TTYH2: variants seen among roughly 807,000 people sequenced by gnomAD.
TTYH2 encodes the protein tweety family member 2.
A neutral mutation model predicts 68.3 loss-of-function variants in TTYH2; 49 were observed. The observed-to-expected ratio is 0.72, with a 90% CI of 0.57 to 0.91. The LOEUF (loss-of-function observed/expected upper bound fraction) is 0.91, where lower values mean the gene tolerates loss of function less well. Ranked by LOEUF, TTYH2 falls within the 40% of genes least tolerant of loss-of-function variation. TTYH2 has a pLI of 0.00. For synonymous variants in TTYH2, 272 were observed against 300.8 expected, an observed-to-expected ratio of 0.90 and a Z score of 0.99; for missense variants, 631 against 700.4, an observed-to-expected ratio of 0.90 and a Z score of 1.12.
At position 74,239,265 on chromosome 17, in the gene TTYH2, G is replaced by C. The variant is rs1435196600; in HGVS notation, c.635+1751G>C. On this transcript the variant is annotated intron_variant, in intron 4 of 13. Coordinates refer to ENST00000269346, the MANE Select transcript of TTYH2 (RefSeq NM_032646.6). The surrounding 1 kb of genome is among the most constrained non-coding windows in gnomAD (Gnocchi z 5.3). ...GCACAGGAAGGAGGCAGCAGCCCCA[G>C]CCTTTGGAGGGCTCCCGGCTGAATG... 6.6e-6 allele frequency among the ~76,000 whole-genome samples: 1 copy of C among 152,244 alleles called. No homozygotes were observed. Among genetic ancestry groups the C allele is most frequent in the Non-Finnish European group, 1.5e-5 (1 of 68,042 alleles).
chr17:74,252,725 G>A (rs2050646872), intron 11 of TTYH2, among the ~76,000 whole-genome samples: 1 of 152,254 alleles, frequency 6.6e-6, no homozygotes, highest in Non-Finnish European at 1.5e-5. Flanking sequence ...GGAATAGCAA[G>A]AAGGATACAT....
At chr17:74,219,273 CAGATACTCAGGAGGCTG>C (rs1271232080) in intron 1 of TTYH2, among the ~76,000 whole-genome samples, 3 of 151,312 alleles carry the variant, frequency 2.0e-5, no homozygotes, top group East Asian at 3.9e-4. Flanking sequence ...CCTGTAATCC[CAGATACTCAGGAGGCTG>C]AGGCAGGAGA....
intron 1 of TTYH2, among the ~76,000 whole-genome samples, chr17:74,216,239 T>C (rs765050321): frequency 6.6e-6 from 1 of 152,096 alleles, no homozygotes; most frequent in African/African-American, 2.4e-5. Context: ...CAGACTCTGA[T>C]TGGGGGAGAC....
At chr17:74,229,976 C>T (rs1418456519) in intron 2 of TTYH2, among the ~76,000 whole-genome samples, 1 of 152,088 alleles carries the variant, frequency 6.6e-6, no homozygotes, top group East Asian at 1.9e-4. Flanking sequence ...ACTAATAATA[C>T]AAAAATTAGC....
Position 74,224,994 on chromosome 17 carries a change from G to A in TTYH2, c.302+2337G>A, listed in dbSNP as rs371679770. On this transcript the variant is annotated intron_variant, in intron 2 of 13. Coordinates refer to ENST00000269346, the MANE Select transcript of TTYH2 (RefSeq NM_032646.6). ...AGCCTGGGCTACAGAGTCAGACTCC[G>A]TCTCAAAAAAAAAAAAAACAACCAA... Among the ~76,000 whole-genome samples, 1,300 of 137,654 alleles carry A rather than the reference G, an allele frequency of 9.4e-3. 21 individuals carry two copies. Among genetic ancestry groups the A allele is most frequent in the Middle Eastern group, 0.03 (8 of 264 alleles). The allele number at this position is 137,654 out of a possible 152,430, so 90.3% of individuals were successfully genotyped here.
intron 6 of TTYH2, chr17:74,248,285 C>G (rs895607842): frequency 2.0e-6 from 2 of 985,626 alleles, no homozygotes; most frequent in Admixed American, 6.1e-5. Flanking sequence ...TGGGGTGCGC[C>G]TGGCTTGGAG....
At chr17:74,228,563 G>T (rs1057261701) in intron 2 of TTYH2, among the ~76,000 whole-genome samples, 11 of 152,212 alleles carry the variant, frequency 7.2e-5, no homozygotes, top group African/African-American at 2.7e-4. Flanking sequence ...AGATTTCACA[G>T]GGATAGATTT....
rs759430086 is a variant in TTYH2, at chr17:74,213,620, C to G, written c.33C>G (p.Pro11=). MQAARVDYIA[P]WWVVWLHSVP... Reference sequence around the variant, plus strand: ...CGGCGCGCGTGGACTACATCGCTCCCTGGTGGGTCGTGTGGCTGCACAGCG... The same window carrying G: ...CGGCGCGCGTGGACTACATCGCTCCGTGGTGGGTCGTGTGGCTGCACAGCG... The change falls in exon 1 of 14, where the codon CCC becomes CCG. Residue 11 remains proline, a synonymous_variant. Coordinates refer to ENST00000269346, the MANE Select transcript of TTYH2 (RefSeq NM_032646.6). The surrounding 1 kb of genome is among the most constrained non-coding windows in gnomAD (Gnocchi z 6.1). 6.2e-7 allele frequency: 1 copy of G among 1,611,654 alleles called. No homozygotes were observed. The highest frequency in any genetic ancestry group is 8.5e-7 in the Non-Finnish European group (1 of 1,179,282).
At chr17:74,243,294 T>G (rs913896210) in intron 4 of TTYH2, 80 bp from the exon 5 acceptor site, 3 of 1,170,348 alleles carry the variant, frequency 2.6e-6, no homozygotes, top group East Asian at 4.7e-5. Flanking sequence ...GTCCCAGGGC[T>G]GCCGTGCAGG....
chr17:74,253,745 A>T lies in TTYH2; in HGVS notation c.1446-10A>T, dbSNP rs763649146. 5.0e-5 allele frequency: 81 copies of T among 1,613,888 alleles called. 1 individual carries two copies. The Admixed American group carries it at 1.3e-3, about 26-fold the overall frequency. On this transcript the variant is annotated splice_polypyrimidine_tract_variant and intron_variant, in intron 12 of 13. Coordinates refer to ENST00000269346, the MANE Select transcript of TTYH2 (RefSeq NM_032646.6). ...CCATCCCCTCCTGAGCTCTCCTCTCATCCCCGCAGGAACCAAGCCATGCTC... is the reference window on the plus strand; with the variant it reads ...CCATCCCCTCCTGAGCTCTCCTCTCTTCCCCGCAGGAACCAAGCCATGCTC...
intron 2 of TTYH2, among the ~76,000 whole-genome samples, chr17:74,228,734 G>T (rs553140974): frequency 6.6e-6 from 1 of 152,172 alleles, no homozygotes; most frequent in East Asian, 1.9e-4. Context: ...TGCAAGTTCA[G>T]GTCAGTGCCC....
chr17:74,255,610 C>A (rs186834606), intron 13 of TTYH2, among the ~76,000 whole-genome samples: 41 of 152,244 alleles, frequency 2.7e-4, no homozygotes, highest in Non-Finnish European at 5.1e-4. Flanking sequence ...CACCACCACA[C>A]CTGGCTAATT....
At chr17:74,245,637 A>C (rs2050549708) in intron 6 of TTYH2, among the ~76,000 whole-genome samples, 1 of 152,168 alleles carries the variant, frequency 6.6e-6, no homozygotes, top group African/African-American at 2.4e-5. Flanking sequence ...CCATTTCCCT[A>C]ATTCCTCTAG....
rs1212321444 is a variant in TTYH2 at position 74,222,789 on chromosome 17, T to C, written c.302+132T>C. ...CTTGTCCCCAGATGAATGTTGTCCC[T>C]TTTTTTTTTTTTACCAAGCATCAGG... On this transcript the variant is annotated intron_variant, in intron 2 of 13. Coordinates refer to ENST00000269346, the MANE Select transcript of TTYH2 (RefSeq NM_032646.6). The surrounding 1 kb of genome is among the most constrained non-coding windows in gnomAD (Gnocchi z 5.2). The C allele has an allele frequency of 6.7e-5, 14 of 209,508 alleles. No homozygotes were observed. Among genetic ancestry groups the C allele is most frequent in the East Asian group, 1.6e-4 (1 of 6,306 alleles). 13.0% of individuals were successfully genotyped at this position (209,508 alleles called of 1,614,324 possible).
chr17:74,221,879 C>T (rs145405464), intron 1 of TTYH2, among the ~76,000 whole-genome samples: 1,523 of 152,258 alleles, frequency 0.01, 15 homozygotes, highest in Non-Finnish European at 0.017. Flanking sequence ...GAGCTGGCTT[C>T]TCGATTCTCA....
intron 6 of TTYH2, among the ~76,000 whole-genome samples, chr17:74,246,970 G>C (rs1167898341): frequency 6.6e-6 from 1 of 152,032 alleles, no homozygotes; most frequent in Non-Finnish European, 1.5e-5. Flanking sequence ...ATCACCTGAG[G>C]TCAGGAGTTC....
intron 2 of TTYH2, among the ~76,000 whole-genome samples, chr17:74,230,050 A>C (rs145581527): frequency 0.018 from 2,716 of 152,192 alleles, 85 homozygotes; most frequent in African/African-American, 0.061. Context: ...AGAATCACTT[A>C]AACCCAGGAG....
rs569581698 is a variant in TTYH2 at position 74,246,395 on chromosome 17, A to G, written c.804+2346A>G. ...ACAGAGAATAACAGGACTTACCTCAAAGGGCTGTTGCTAGGGAAAGATGAG... is the reference window on the plus strand; with the variant it reads ...ACAGAGAATAACAGGACTTACCTCAGAGGGCTGTTGCTAGGGAAAGATGAG... On this transcript the variant is annotated intron_variant, in intron 6 of 13. Transcript: ENST00000269346. Among the ~76,000 whole-genome samples the G allele has an allele frequency of 1.2e-3, 180 of 152,284 alleles. 1 individual carries two copies. Among genetic ancestry groups the G allele is most frequent in the African/African-American group, 4.2e-3 (173 of 41,560 alleles).
rs1314444165 is a variant in TTYH2 at position 74,250,341 on chromosome 17, G to A, written c.1100G>A (p.Cys367Tyr). 2.5e-6 allele frequency: 4 copies of A among 1,613,178 alleles called. No homozygotes were observed. In the Admixed American group the frequency reaches 6.7e-5, roughly 27 times the overall value. The change falls in exon 10 of 14, where the codon TGC becomes TAC. Residue 367 changes from cysteine (C) to tyrosine (Y), a missense_variant. By Grantham distance (194) the Cys-to-Tyr change is radical. Coordinates refer to ENST00000269346, the MANE Select transcript of TTYH2 (RefSeq NM_032646.6). ...CACCAGCTGACCGCCATGGTGGACT[G>A]CCGAGGGCTGCACAAGGTGCATGGG... Reference protein sequence around the residue: ...SLHQLTAMVDCRGLHKDYLDA... With the variant: ...SLHQLTAMVDYRGLHKDYLDA...
Sources: gnomAD v4.1 joint callset for allele counts (sites outside exome capture counted in the v4.1 genomes callset) on GRCh38, gnomAD v4.1.1 for gene constraint, Gnocchi (gnomAD v3.1) non-coding constraint, MANE v1.5 for transcripts, NCBI Gene and HGNC (gene_info 2026-07-23, HGNC 2026-07-21) for gene names.